Variants in MARCO observed in about 807,000 individuals in gnomAD.
MARCO encodes the protein macrophage receptor MARCO.
In MARCO, 72 loss-of-function variants were observed where a neutral mutation model predicts 70.0. The ratio of observed to expected loss-of-function variants is 1.03; its 90% CI spans 0.85 to 1.25. The LOEUF is 1.25. Among genes scored for constraint, MARCO ranks in the 50% most tolerant of loss-of-function variants. MARCO has a pLI of 0.00. For missense variants in MARCO, 696 were observed against 659.3 expected (o/e 1.06, Z -0.61); for synonymous variants, 273 against 243.1 (o/e 1.12, Z -1.14).
At position 118,942,337 on chromosome 2, in the gene MARCO, T is replaced by C; in HGVS notation, c.37T>C (p.Leu13=). ...GAAAATTCTCAAGGAGGACGAGCTC[T>C]TGAGTGAGACCCAACAAGCTGCTTT... ...NKKILKEDEL[L]SETQQAAFHQ... The change falls in exon 1 of 17, where the codon TTG becomes CTG. Residue 13 remains leucine (L), a synonymous_variant. Coordinates refer to ENST00000327097, the MANE Select transcript of MARCO (RefSeq NM_006770.4). 6.2e-7 allele frequency: 1 copy of C among 1,613,910 alleles called. No individual in the cohort carries two copies. The highest frequency in any genetic ancestry group is 8.5e-7 in the Non-Finnish European group (1 of 1,179,850).
chr2:118,971,267 C>T (rs1240016154), intron 3 of MARCO, among the ~76,000 whole-genome samples: 2 of 152,160 alleles, frequency 1.3e-5, no homozygotes, highest in Non-Finnish European at 2.9e-5. Flanking sequence ...CAGGGATCTA[C>T]AGGTCTCGGG....
At position 118,963,222 on chromosome 2, in the gene MARCO, C is replaced by T. The variant is rs543446123; in HGVS notation, c.98-5938C>T. 2.0e-5 allele frequency among the ~76,000 whole-genome samples: 3 copies of T among 151,556 alleles called. No homozygotes were observed. The South Asian group carries it at 6.2e-4, about 31-fold the overall frequency. On this transcript the variant is annotated intron_variant, in intron 1 of 16. Transcript: ENST00000327097. ...AGGCCTTTTTTATTTTTGGTGTAAG[C>T]AGTTCGTGCTATAAATTTTCTTTTC...
At chr2:118,972,506 G>A (rs945782177) in intron 4 of MARCO, among the ~76,000 whole-genome samples, 2 of 152,118 alleles carry the variant, frequency 1.3e-5, no homozygotes, top group Non-Finnish European at 2.9e-5. Flanking sequence ...CCTTGAGTAA[G>A]TCACCTAACA....
intron 5 of MARCO, 23 bp downstream of exon 5, chr2:118,974,463 C>T (rs377629882): frequency 6.2e-7 from 1 of 1,611,910 alleles, no homozygotes; most frequent in East Asian, 2.2e-5. Context: ...TTCTTCTGAC[C>T]CTTAATCATT....
chr2:118,978,006 A>G, intron 8 of MARCO, 71 bp downstream of exon 8: 1 of 1,014,218 alleles, frequency 9.9e-7, no homozygotes, highest in South Asian at 1.5e-5. Flanking sequence ...CCTCTGTGCC[A>G]TTGGGTCTAT....
intron 4 of MARCO, among the ~76,000 whole-genome samples, chr2:118,971,839 T>C (rs1680178341): frequency 6.6e-6 from 1 of 152,232 alleles, no homozygotes; most frequent in Non-Finnish European, 1.5e-5. Context: ...GCCTCTCTCC[T>C]GGTTTCCTGT....
chr2:118,988,946 T>C (rs937978728), intron 12 of MARCO, among the ~76,000 whole-genome samples: 7 of 152,130 alleles, frequency 4.6e-5, no homozygotes, highest in Admixed American at 4.6e-4. Context: ...ACGATTTCAT[T>C]TCAGCCTTAC....
intron 4 of MARCO, among the ~76,000 whole-genome samples, chr2:118,972,040 C>T (rs1313671320): frequency 7.9e-5 from 12 of 152,270 alleles, no homozygotes; most frequent in South Asian, 2.1e-4. Flanking sequence ...GGCTTACTGG[C>T]GGTGTGACTC....
rs1558671635 is a variant in MARCO, at chr2:118,986,654, AAGGAAGGAAGGAAGGAAGG to A, written c.1064-3933_1064-3915del. Among the ~76,000 whole-genome samples the A allele has an allele frequency of 2.7e-4, 11 of 40,272 alleles. 1 individual carries two copies. The highest frequency in any genetic ancestry group is 1.2e-3 in the African/African-American group (8 of 6,832). 26.4% of individuals were successfully genotyped at this position (40,272 alleles called of 152,430 possible). ...GAAAGAAAGAAAGAAAGAAAGAAAG[AAGGAAGGAAGGAAGGAAGG>A]AAAGAAAGAAAGAAAGAAAGAAAGA... On this transcript the variant is annotated intron_variant, in intron 12 of 16. Coordinates refer to ENST00000327097, the MANE Select transcript of MARCO (RefSeq NM_006770.4).
rs375982660 is a variant in MARCO, at chr2:118,975,803, C to T, written c.613+1238C>T. Reference sequence around the variant, plus strand: ...ATACACGCATATACTCATGCACACCCGTGTCTGAGCACACATCTATGTACA... The same window carrying T: ...ATACACGCATATACTCATGCACACCTGTGTCTGAGCACACATCTATGTACA... On this transcript the variant is annotated intron_variant, in intron 6 of 16. Transcript: ENST00000327097. 2.6e-5 allele frequency among the ~76,000 whole-genome samples: 4 copies of T among 152,202 alleles called. No homozygotes were observed. The South Asian group carries it at 6.2e-4, about 24-fold the overall frequency.
rs1679902836 is a variant in MARCO at position 118,959,542 on chromosome 2, G to A, written c.98-9618G>A. Among the ~76,000 whole-genome samples the A allele has an allele frequency of 2.6e-5, 4 of 152,194 alleles. No individual in the cohort carries two copies. The South Asian group carries it at 8.3e-4, about 31-fold the overall frequency. ...ACACTTCTACACTGCTGGTAGGAAT[G>A]TAAACTAGGACAGCTGCTATGGAAA... On this transcript the variant is annotated intron_variant, in intron 1 of 16. Transcript: ENST00000327097.
At position 118,977,580 on chromosome 2, in the gene MARCO, C is replaced by G; in HGVS notation, c.658+65C>G. 7.1e-6 allele frequency: 10 copies of G among 1,413,048 alleles called. 1 individual carries two copies. The South Asian group carries it at 1.2e-4, about 16-fold the overall frequency. The allele number at this position is 1,413,048 out of a possible 1,614,324, so 87.5% of individuals were successfully genotyped here. A position where few individuals can be genotyped will look rare whatever the true frequency, so the allele number is the denominator to read the frequency against. ...GCCTGAGGCACTGAGGCAGTTCCCCCCCACCCCCCATCCTCTTTCCACAGC... is the reference window on the plus strand; with the variant it reads ...GCCTGAGGCACTGAGGCAGTTCCCCGCCACCCCCCATCCTCTTTCCACAGC... On this transcript the variant is annotated intron_variant, in intron 7 of 16. Coordinates refer to ENST00000327097, the MANE Select transcript of MARCO (RefSeq NM_006770.4).
At chr2:118,972,054 G>A (rs1054859555) in intron 4 of MARCO, among the ~76,000 whole-genome samples, 1 of 152,186 alleles carries the variant, frequency 6.6e-6, no homozygotes, top group African/African-American at 2.4e-5. Flanking sequence ...GTGACTCTGG[G>A]TCAGTTACTT....
chr2:118,957,948 CATCCCTTTATG>C (rs1308461795), intron 1 of MARCO, among the ~76,000 whole-genome samples: 1 of 152,102 alleles, frequency 6.6e-6, no homozygotes, highest in African/African-American at 2.4e-5. Flanking sequence ...TAAAATCCAG[CATCCCTTTATG>C]ATTAAAACCC....
Position 118,982,180 on chromosome 2 carries a change from CG to C in MARCO, c.929del (p.Gly310AlafsTer38). ...GGACAACCTGGACTGCAGGGTGTTC[CG>C]GGCCCTCCTGGTGCAGTGGGACACC... is the stretch of plus-strand genomic sequence containing the variant. ...DQGQPGLQGV[P>X]GPPGAVGHPG... On this transcript the variant is annotated frameshift_variant, in exon 11 of 17. Coordinates refer to ENST00000327097, the MANE Select transcript of MARCO (RefSeq NM_006770.4). LOFTEE classifies it high-confidence loss of function. 6.2e-7 allele frequency: 1 copy of C among 1,612,552 alleles called. No individual in the cohort carries two copies. The highest frequency in any genetic ancestry group is 8.5e-7 in the Non-Finnish European group (1 of 1,178,986).
At chr2:118,984,731 G>A (rs1023261418) in intron 12 of MARCO, among the ~76,000 whole-genome samples, 1 of 152,186 alleles carries the variant, frequency 6.6e-6, no homozygotes, top group Non-Finnish European at 1.5e-5. Context: ...CTTCTGAAGT[G>A]GGAGAAGCAG....
intron 12 of MARCO, among the ~76,000 whole-genome samples, chr2:118,988,094 C>A (rs1680549628): frequency 6.6e-6 from 1 of 152,150 alleles, no homozygotes; most frequent in Non-Finnish European, 1.5e-5. Flanking sequence ...AATCACACTG[C>A]CTTGGAGGGT....
intron 7 of MARCO, 77 bp from the exon 8 acceptor site, chr2:118,977,751 T>C (rs1680312601): frequency 9.0e-7 from 1 of 1,114,484 alleles, no homozygotes; most frequent in Admixed American, 2.3e-5. Flanking sequence ...TCCCAAATGC[T>C]TCCTGCCCCT....
rs771012595 is a variant in MARCO, at chr2:118,977,777, T to C, written c.659-51T>C. On this transcript the variant is annotated intron_variant, in intron 7 of 16. Coordinates refer to ENST00000327097, the MANE Select transcript of MARCO (RefSeq NM_006770.4). ...TCCTGCCCCTTTGCCTCTGGTAGCC[T>C]GTCCCCAAAAGGATAGTGGGAGCCC... The C allele has an allele frequency of 3.5e-6, 5 of 1,416,644 alleles. No homozygotes were observed. In the Admixed American group the frequency reaches 9.8e-5, roughly 28 times the overall value. 87.8% of individuals were successfully genotyped at this position (1,416,644 alleles called of 1,614,324 possible). A position where few individuals can be genotyped will look rare whatever the true frequency, so the allele number is the denominator to read the frequency against.
Sources: gnomAD v4.1 joint callset for allele counts (sites outside exome capture counted in the v4.1 genomes callset) on GRCh38, gnomAD v4.1.1 for gene constraint, MANE v1.5 for transcripts, NCBI Gene and HGNC (gene_info 2026-07-23, HGNC 2026-07-21) for gene names.